DBT: variants seen among roughly 807,000 people sequenced by gnomAD.
The protein encoded by DBT is dihydrolipoamide branched chain transacylase E2.
DBT carries 40 observed loss-of-function variants against 51.3 expected under a neutral mutation model. The ratio of observed to expected loss-of-function variants is 0.78; its 90% CI spans 0.61 to 1.02. The LOEUF (loss-of-function observed/expected upper bound fraction) is 1.02, where lower values mean the gene tolerates loss of function less well. Ranked by LOEUF, DBT falls within the 50% of genes least tolerant of loss-of-function variation. The pLI, the probability that DBT is intolerant of heterozygous loss-of-function variation, is 0.00. For synonymous variants in DBT, 181 were observed against 190.4 expected, an observed-to-expected ratio of 0.95 and a Z score of 0.41; for missense variants, 510 against 580.2, an observed-to-expected ratio of 0.88 and a Z score of 1.24.
Position 100,240,738 on chromosome 1 carries a change from C to T in DBT, c.175+23G>A, listed in dbSNP as rs181090157. The stretch of plus-strand genomic sequence containing the variant: ...GAGGTACAAAACATTATTTTATACA[C>T]GTTATTTTGAAATCATACTTACCAG... On this transcript the variant is annotated intron_variant, in intron 2 of 10. Transcript: ENST00000370132. 72 of 1,562,196 alleles carry T rather than the reference C, an allele frequency of 4.6e-5. No individual in the cohort carries two copies. The African/African-American group carries it at 5.7e-4, about 12-fold the overall frequency.
rs1660682232 is a variant in DBT at position 100,188,745 on chromosome 1, TA to T, written c.*7509del. ...TGGTAACATTCCACATGGTACTCCATAAAAGCCTGATATAGATGACCTCTCT... is the reference window on the plus strand; with the variant it reads ...TGGTAACATTCCACATGGTACTCCATAAAGCCTGATATAGATGACCTCTCT... On this transcript the variant is annotated 3_prime_UTR_variant, in exon 11 of 11. Coordinates refer to ENST00000370132, the MANE Select transcript of DBT (RefSeq NM_001918.5). 1 of 152,258 alleles carries T rather than the reference TA, an allele frequency of 6.6e-6. No homozygotes were observed. The highest frequency in any genetic ancestry group is 2.4e-5 in the African/African-American group (1 of 41,472). 9.4% of individuals were successfully genotyped at this position (152,258 alleles called of 1,614,324 possible). A position where few individuals can be genotyped will look rare whatever the true frequency, so the allele number is the denominator to read the frequency against.
rs1297574344 is a variant in DBT at position 100,214,990 on chromosome 1, A to G, written c.773-7T>C. On this transcript the variant is annotated splice_region_variant and splice_polypyrimidine_tract_variant and intron_variant, in intron 6 of 10. Coordinates refer to ENST00000370132, the MANE Select transcript of DBT (RefSeq NM_001918.5). Reference sequence around the variant, plus strand: ...ACCATTGCTTTTTGAAAGCCTGAAAAGCATTAAATTGTTATTCATTTATTT... The same window carrying G: ...ACCATTGCTTTTTGAAAGCCTGAAAGGCATTAAATTGTTATTCATTTATTT... 6.3e-7 allele frequency: 1 copy of G among 1,599,856 alleles called. No homozygotes were observed. Among genetic ancestry groups the G allele is most frequent in the African/African-American group, 1.3e-5 (1 of 74,556 alleles).
At chr1:100,214,175 A>G (rs1352973873) in intron 7 of DBT, among the ~76,000 whole-genome samples, 2 of 152,170 alleles carry the variant, frequency 1.3e-5, no homozygotes, top group Non-Finnish European at 2.9e-5. Context: ...AATATTAAAT[A>G]TATGTCAGTG....
chr1:100,213,560 T>C, intron 7 of DBT: 1 of 1,581,800 alleles, frequency 6.3e-7, no homozygotes, highest in Admixed American at 1.7e-5. Flanking sequence ...GCAGGACTGC[T>C]TCACCTTCCT....
rs149959750 is a variant in DBT, at chr1:100,196,354, A to C, written c.1350T>G (p.Ala450=). Residue 450 remains alanine (A), a synonymous_variant, in exon 11 of 11, where the codon GCT becomes GCG. Coordinates refer to ENST00000370132, the MANE Select transcript of DBT (RefSeq NM_001918.5). ...KAQIMNVSWS[A]DHRVIDGATM... ...TAGCACCATCAATAACTCTGTGATC[A>C]GCTGACCAGCTCACATTCATTATCT... 34 of 1,598,636 alleles carry C rather than the reference A, an allele frequency of 2.1e-5. No homozygotes were observed. Among genetic ancestry groups the C allele is most frequent in the Non-Finnish European group, 2.8e-5 (33 of 1,173,418 alleles).
rs1409537998 is a variant in DBT, at chr1:100,206,259, C to T, written c.1252G>A (p.Val418Ile). 1.2e-6 allele frequency: 2 copies of T among 1,612,038 alleles called. No individual in the cohort carries two copies. The highest frequency in any genetic ancestry group is 1.1e-5 in the South Asian group (1 of 90,996). Residue 418 changes from valine (V) to isoleucine (I), a missense_variant, in exon 10 of 11, where the codon GTA (valine) becomes ATA (isoleucine). Coordinates refer to ENST00000370132, the MANE Select transcript of DBT (RefSeq NM_001918.5). ...FAKPVIMPPEVAIGALGSIKA... is the reference protein window; with the variant it reads ...FAKPVIMPPEIAIGALGSIKA... ...ATTGATCCAAGGGCCCCAATGGCTA[C>T]TTCAGGTGGCATTATCACTGGTTTG...
chr1:100,220,269 CA>C (rs34088406), intron 4 of DBT, among the ~76,000 whole-genome samples: 118,168 of 149,650 alleles, frequency 0.79, 47,617 homozygotes, highest in East Asian at 0.94. Context: ...TTTCTGCAAG[CA>C]AAAAAAAAAA....
chr1:100,199,687 C>A (rs373645822), intron 10 of DBT, among the ~76,000 whole-genome samples: 1 of 152,150 alleles, frequency 6.6e-6, no homozygotes, highest in Non-Finnish European at 1.5e-5. Flanking sequence ...GCATTTCCAA[C>A]TGAGGTACCC....
intron 2 of DBT, among the ~76,000 whole-genome samples, chr1:100,238,177 C>A (rs1663996738): frequency 9.1e-6 from 1 of 109,496 alleles, no homozygotes; most frequent in Non-Finnish European, 2.0e-5. Flanking sequence ...CCCTCGCTTC[C>A]TTCCTTCCCT....
In DBT at chr1:100,249,762, G is replaced by A. The variant is rs756150038; in HGVS notation, c.51+8C>T. Reference sequence around the variant, plus strand: ...TTCCCGGCCTCAGATCTGCCCAAACGTGCTTACCAGCTTCCCCGCATTCCT... The same window carrying A: ...TTCCCGGCCTCAGATCTGCCCAAACATGCTTACCAGCTTCCCCGCATTCCT... On this transcript the variant is annotated splice_region_variant and intron_variant, in intron 1 of 10. Coordinates refer to ENST00000370132, the MANE Select transcript of DBT (RefSeq NM_001918.5). 5.0e-6 allele frequency: 8 copies of A among 1,613,646 alleles called. No individual in the cohort carries two copies. Among genetic ancestry groups the A allele is most frequent in the Non-Finnish European group, 6.8e-6 (8 of 1,179,656 alleles).
At chr1:100,222,246 T>G (rs543799069) in intron 4 of DBT, among the ~76,000 whole-genome samples, 5 of 152,218 alleles carry the variant, frequency 3.3e-5, no homozygotes, top group Non-Finnish European at 7.4e-5. Context: ...ACTACATTAT[T>G]GGAATGGTTT....
At position 100,199,717 on chromosome 1, in the gene DBT, G is replaced by A. The variant is rs139043785; in HGVS notation, c.1282-3295C>T. On this transcript the variant is annotated intron_variant, in intron 10 of 10. Transcript: ENST00000370132. ...GTACCCGGTTCATCTCATTGGGACT[G>A]GTTAGACAGTGGGTGCAGCCCATGG... Among the ~76,000 whole-genome samples, 10 of 152,264 alleles carry A rather than the reference G, an allele frequency of 6.6e-5. No individual in the cohort carries two copies. In the East Asian group the frequency reaches 1.9e-3, roughly 29 times the overall value.
chr1:100,197,192 ACT>A (rs1272630895), intron 10 of DBT: 1 of 152,160 alleles, frequency 6.6e-6, no homozygotes, highest in Non-Finnish European at 1.5e-5. Context: ...TCTAAGCTCT[ACT>A]CTCTTTTTCT....
In DBT at chr1:100,230,892, C is replaced by T; in HGVS notation, c.274G>A (p.Val92Met). 2 of 1,600,622 alleles carry T rather than the reference C, an allele frequency of 1.2e-6. No homozygotes were observed. The change falls in exon 4 of 11, where the codon GTG (valine) becomes ATG (methionine). Residue 92 changes from valine to methionine, a missense_variant. Physicochemically the swap from Val to Met is conservative, Grantham distance 21. Transcript: ENST00000370132. ...TCACAGATGCTATCAAACTGAGACA[C>T]TGTATCTCCTTCTTTTACATACCTA... is the stretch of plus-strand genomic sequence containing the variant. Reference protein sequence around the residue: ...KEWYVKEGDTVSQFDSICEVQ... With the variant: ...KEWYVKEGDTMSQFDSICEVQ...
chr1:100,219,255 G>A (rs562135738), intron 4 of DBT, among the ~76,000 whole-genome samples: 1 of 152,166 alleles, frequency 6.6e-6, no homozygotes, highest in South Asian at 2.1e-4. Flanking sequence ...GGGAGACCGA[G>A]GTGGGAGGAT....
intron 8 of DBT, chr1:100,210,490 A>C (rs1487363496): frequency 3.0e-6 from 2 of 672,832 alleles, no homozygotes; most frequent in Non-Finnish European, 4.6e-6. Context: ...AAAGCTTAAA[A>C]ATAGTTTTAA....
intron 4 of DBT, among the ~76,000 whole-genome samples, chr1:100,225,042 A>AATATATGT (rs1553231589): frequency 2.2e-5 from 1 of 45,630 alleles, no homozygotes; most frequent in Non-Finnish European, 4.7e-5. Context: ...AAAAAAAAAA[A>AATATATGT]ATATATATAT....
rs1660801069 is a variant in DBT, at chr1:100,191,519, C to T, written c.*4736G>A. ...GTGGGATGGGGTGGGAAGGCAATGC[C>T]TTACTTTACATAGTTAACTTCCTTT... On this transcript the variant is annotated 3_prime_UTR_variant, in exon 11 of 11. Transcript: ENST00000370132. The T allele has an allele frequency of 6.6e-6, 1 of 152,074 alleles. No individual in the cohort carries two copies. The highest frequency in any genetic ancestry group is 2.4e-5 in the African/African-American group (1 of 41,392). 9.4% of individuals were successfully genotyped at this position (152,074 alleles called of 1,614,324 possible).
At chr1:100,233,214 A>C (rs72973799) in intron 3 of DBT, among the ~76,000 whole-genome samples, 9 of 152,322 alleles carry the variant, frequency 5.9e-5, no homozygotes, top group Non-Finnish European at 1.0e-4. Context: ...AAAAAAAAAG[A>C]AAGCAAGCAA....
Sources: allele counts gnomAD v4.1 joint callset (sites outside exome capture counted in the v4.1 genomes callset), GRCh38; gene constraint gnomAD v4.1.1; transcripts MANE v1.5; gene names NCBI Gene and HGNC (gene_info 2026-07-23, HGNC 2026-07-21).